NME7: variants seen among roughly 807,000 people sequenced by gnomAD.
NME7 encodes the protein nucleoside diphosphate kinase 7.
In NME7, 41 loss-of-function variants were observed where a neutral mutation model predicts 49.1. The observed-to-expected ratio is 0.83, with a 90% CI of 0.65 to 1.08. The LOEUF (loss-of-function observed/expected upper bound fraction) is 1.08, where lower values mean the gene tolerates loss of function less well. NME7 is among the 50% of genes least tolerant of loss of function. The pLI is 0.00. For synonymous variants in NME7, 139 were observed against 150.6 expected (o/e 0.92, Z 0.56); for missense variants, 423 against 463.4 (o/e 0.91, Z 0.80).
chr1:169,187,727 A>T (rs1660109082), intron 10 of NME7, among the ~76,000 whole-genome samples: 1 of 152,126 alleles, frequency 6.6e-6, no homozygotes, highest in Non-Finnish European at 1.5e-5. Context: ...ATGTCTTTTA[A>T]TTGGGGCATT....
chr1:169,159,870 T>A (rs192893488), intron 11 of NME7, among the ~76,000 whole-genome samples: 1 of 152,254 alleles, frequency 6.6e-6, no homozygotes, highest in Admixed American at 6.5e-5. Context: ...TTCACAAACT[T>A]CCCTAGTTTG....
chr1:169,330,967 T>G (rs1156261622), intron 1 of NME7, among the ~76,000 whole-genome samples: 1 of 152,074 alleles, frequency 6.6e-6, no homozygotes, highest in Non-Finnish European at 1.5e-5. Context: ...AGGCCAGTAT[T>G]ACCCTGATAC....
At chr1:169,349,043 T>G (rs1653055195) in intron 1 of NME7, among the ~76,000 whole-genome samples, 1 of 152,142 alleles carries the variant, frequency 6.6e-6, no homozygotes, top group Non-Finnish European at 1.5e-5. Flanking sequence ...TTTCCTTATG[T>G]GAAAAGAATA....
intron 9 of NME7, among the ~76,000 whole-genome samples, chr1:169,232,890 T>C (rs1378651842): frequency 6.6e-6 from 1 of 151,030 alleles, no homozygotes; most frequent in Admixed American, 6.6e-5. Flanking sequence ...TTTCTTTTTT[T>C]TCCTTTCTGT....
rs529446634 is a variant in NME7 at position 169,270,677 on chromosome 1, G to A, written c.754+16626C>T. On this transcript the variant is annotated intron_variant, in intron 7 of 11. Coordinates refer to ENST00000367811, the MANE Select transcript of NME7 (RefSeq NM_013330.5). ...GTAGTAATCATAATACTAACAATGT[G>A]TAACACTTATACAGCACTAAACTAC... 3.8e-4 allele frequency among the ~76,000 whole-genome samples: 51 copies of A among 133,864 alleles called. 3 individuals are homozygous for A. Among genetic ancestry groups the A allele is most frequent in the African/African-American group, 1.2e-3 (48 of 39,688 alleles). 87.8% of individuals were successfully genotyped at this position (133,864 alleles called of 152,430 possible). A position where few individuals can be genotyped will look rare whatever the true frequency, so the allele number is the denominator to read the frequency against.
chr1:169,341,451 A>G (rs1652696569), intron 1 of NME7, among the ~76,000 whole-genome samples: 1 of 152,214 alleles, frequency 6.6e-6, no homozygotes, highest in Non-Finnish European at 1.5e-5. Context: ...GAGAGCCTCT[A>G]CTAGGGCAAT....
intron 6 of NME7, among the ~76,000 whole-genome samples, chr1:169,290,707 A>T (rs1650464255): frequency 6.6e-6 from 1 of 152,194 alleles, no homozygotes; most frequent in African/African-American, 2.4e-5. Flanking sequence ...CAAAAGAGAA[A>T]TTATCATCAG....
intron 11 of NME7, among the ~76,000 whole-genome samples, chr1:169,140,191 G>A (rs781355218): frequency 2.6e-5 from 4 of 152,090 alleles, no homozygotes; most frequent in Non-Finnish European, 5.9e-5. Context: ...TTAACATTTG[G>A]CAAATATAGG....
chr1:169,348,144 T>G (rs1279422965), intron 1 of NME7, among the ~76,000 whole-genome samples: 4 of 152,168 alleles, frequency 2.6e-5, no homozygotes, highest in African/African-American at 9.7e-5. Context: ...TGTACCTTTA[T>G]AAAAGTGGTA....
intron 7 of NME7, among the ~76,000 whole-genome samples, chr1:169,238,799 A>G (rs1647967832): frequency 1.3e-5 from 2 of 152,102 alleles, no homozygotes; most frequent in South Asian, 4.1e-4. Context: ...ACAGTAGAAC[A>G]GGCTCATGCC....
chr1:169,238,123 G>A (rs7519279), intron 7 of NME7, among the ~76,000 whole-genome samples: 5 of 151,670 alleles, frequency 3.3e-5, no homozygotes, highest in South Asian at 2.1e-4. Flanking sequence ...GAAGCTTCAC[G>A]GGGAAATGAA....
intron 7 of NME7, among the ~76,000 whole-genome samples, chr1:169,278,669 A>T (rs989294853): frequency 7.9e-5 from 12 of 152,042 alleles, no homozygotes; most frequent in African/African-American, 2.9e-4. Flanking sequence ...GATCATGTGA[A>T]GCCTTCTCTC....
At chr1:169,292,567 C>T (rs954022998) in intron 6 of NME7, among the ~76,000 whole-genome samples, 3 of 151,990 alleles carry the variant, frequency 2.0e-5, no homozygotes, top group African/African-American at 7.2e-5. Flanking sequence ...GTAAGAATCC[C>T]ACAGTATACA....
chr1:169,158,108 A>G (rs1343541042), intron 11 of NME7, among the ~76,000 whole-genome samples: 3 of 152,192 alleles, frequency 2.0e-5, no homozygotes, highest in Non-Finnish European at 2.9e-5. Flanking sequence ...ACTATCAGCC[A>G]TATCAGAATA....
intron 10 of NME7, among the ~76,000 whole-genome samples, chr1:169,211,488 C>A (rs1660817574): frequency 6.6e-6 from 1 of 152,100 alleles, no homozygotes; most frequent in East Asian, 1.9e-4. Context: ...CAGCTTACAG[C>A]TAAATCACCT....
Position 169,242,175 on chromosome 1 carries a change from T to G in NME7, c.755-4488A>C, listed in dbSNP as rs539729268. 4.6e-5 allele frequency among the ~76,000 whole-genome samples: 7 copies of G among 152,060 alleles called. No individual in the cohort carries two copies. The East Asian group carries it at 1.3e-3, about 29-fold the overall frequency. Reference sequence around the variant, plus strand: ...TAAATTTTATAAATTTAGCAACATATACAAAGAATTATACACCATGACCAA... The same window carrying G: ...TAAATTTTATAAATTTAGCAACATAGACAAAGAATTATACACCATGACCAA... On this transcript the variant is annotated intron_variant, in intron 7 of 11. Coordinates refer to ENST00000367811, the MANE Select transcript of NME7 (RefSeq NM_013330.5).
At chr1:169,198,731 T>C (rs1014239967) in intron 10 of NME7, among the ~76,000 whole-genome samples, 2 of 152,094 alleles carry the variant, frequency 1.3e-5, no homozygotes, top group African/African-American at 4.8e-5. Flanking sequence ...AGGCAAATGA[T>C]AGCCAAAAGG....
chr1:169,162,106 G>T (rs1393125679), intron 11 of NME7, among the ~76,000 whole-genome samples: 2 of 152,104 alleles, frequency 1.3e-5, no homozygotes, highest in Non-Finnish European at 2.9e-5. Flanking sequence ...TCCCCAGTCA[G>T]TCAGCAGTAC....
chr1:169,304,624 T>C (rs1459682266), intron 4 of NME7, among the ~76,000 whole-genome samples: 1 of 152,204 alleles, frequency 6.6e-6, no homozygotes, highest in Non-Finnish European at 1.5e-5. Context: ...TAAATTATTA[T>C]ATTTATTCCT....
Sources: gnomAD v4.1 joint callset for allele counts (sites outside exome capture counted in the v4.1 genomes callset) on GRCh38, gnomAD v4.1.1 for gene constraint, MANE v1.5 for transcripts, NCBI Gene and HGNC (gene_info 2026-07-23, HGNC 2026-07-21) for gene names.